Variants in PLEKHD1 observed in about 807,000 individuals in gnomAD.
PLEKHD1 encodes pleckstrin homology domain-containing family D member 1.
Under a neutral mutation model 69.2 loss-of-function variants are expected in PLEKHD1, and 51 were observed. The ratio of observed to expected loss-of-function variants is 0.74; its 90% CI spans 0.59 to 0.93. PLEKHD1 has a LOEUF of 0.93. Ranked by LOEUF, PLEKHD1 falls within the 40% of genes least tolerant of loss-of-function variation. The probability of loss-of-function intolerance (pLI) is 0.00; values close to 1 mark genes in which losing one functional copy is unlikely to be tolerated. For missense variants in PLEKHD1, 584 were observed against 641.0 expected (o/e 0.91, Z 0.96); for synonymous variants, 236 against 244.7 (o/e 0.96, Z 0.33).
intron 6 of PLEKHD1, among the ~76,000 whole-genome samples, chr14:69,513,932 A>G (rs915220662): frequency 5.3e-5 from 8 of 152,042 alleles, no homozygotes; most frequent in African/African-American, 1.9e-4. Flanking sequence ...TCTTGCTTTC[A>G]TGGTTTCTGA....
the PLEKHD1 span, among the ~76,000 whole-genome samples, chr14:69,475,208 G>T: frequency 6.6e-6 from 1 of 152,232 alleles, no homozygotes; most frequent in African/African-American, 2.4e-5. Flanking sequence ...GAGTGTGTGA[G>T]ATCATAGCAA....
intron 1 of PLEKHD1, 46 bp downstream of exon 1, chr14:69,485,160 T>G: frequency 6.5e-7 from 1 of 1,530,942 alleles, no homozygotes; most frequent in Non-Finnish European, 8.8e-7. Flanking sequence ...GGAGAGAGCC[T>G]GGGCGTCGTT....
rs565741482 is a variant in PLEKHD1 at position 69,521,896 on chromosome 14, A to G, written c.556-387A>G. Among the ~76,000 whole-genome samples the G allele has an allele frequency of 2.0e-5, 3 of 152,226 alleles. No homozygotes were observed. The East Asian group carries it at 5.8e-4, about 29-fold the overall frequency. ...ATCACTCCAGGGATCTCGAATGGAA[A>G]TACACACTCACCACTCTTTCCTCCA... On this transcript the variant is annotated intron_variant, in intron 6 of 12. Transcript: ENST00000322564.
rs1329903320 is a variant in PLEKHD1 at position 69,484,921 on chromosome 14, C to T, written c.-45C>T. On this transcript the variant is annotated 5_prime_UTR_variant, in exon 1 of 13. Transcript: ENST00000322564. ...CTCTCGCCCCGAGTCCCTGCTGACC[C>T]CGGGGAGGTGGGGTCCGGGCCGGGC... is the stretch of plus-strand genomic sequence containing the variant. The T allele has an allele frequency of 5.2e-6, 8 of 1,539,830 alleles. No homozygotes were observed. The highest frequency in any genetic ancestry group is 7.0e-6 in the Non-Finnish European group (8 of 1,139,598).
At chr14:69,481,191 C>G (rs567031842), upstream of PLEKHD1, among the ~76,000 whole-genome samples, 216 of 152,190 alleles carry the variant, frequency 1.4e-3, no homozygotes, top group African/African-American at 5.0e-3. Flanking sequence ...GATGTGGTGG[C>G]GTGCATCTGT....
chr14:69,521,807 A>G (rs1883520984), intron 6 of PLEKHD1, among the ~76,000 whole-genome samples: 1 of 152,098 alleles, frequency 6.6e-6, no homozygotes, highest in African/African-American at 2.4e-5. Context: ...CCTCAAGAAA[A>G]ATAGAGTCCT....
At chr14:69,527,466 TCTC>T in intron 11 of PLEKHD1, 134 bp downstream of exon 11, 1 of 1,313,760 alleles carries the variant, frequency 7.6e-7, no homozygotes, top group Non-Finnish European at 1.0e-6. Flanking sequence ...AAGGGTTTCT[TCTC>T]CAGTTACCTG....
At chr14:69,508,943 C>T (rs1883211169) in intron 6 of PLEKHD1, among the ~76,000 whole-genome samples, 1 of 152,236 alleles carries the variant, frequency 6.6e-6, no homozygotes, top group African/African-American at 2.4e-5. Flanking sequence ...AGTTTGCTCA[C>T]ATTCTACATT....
chr14:69,470,894 C>T, the PLEKHD1 span, among the ~76,000 whole-genome samples: 2 of 151,856 alleles, frequency 1.3e-5, no homozygotes, highest in South Asian at 4.2e-4. Context: ...CAGGTTCACG[C>T]CATTCTCCTG....
intron 6 of PLEKHD1, among the ~76,000 whole-genome samples, chr14:69,506,011 G>T (rs1883143946): frequency 6.6e-6 from 1 of 152,204 alleles, no homozygotes; most frequent in Non-Finnish European, 1.5e-5. Context: ...AATGCCCAGG[G>T]TAGGGCAGGG....
intron 7 of PLEKHD1, 85 bp downstream of exon 7, chr14:69,522,462 C>T: frequency 1.5e-6 from 2 of 1,373,754 alleles, no homozygotes; most frequent in Non-Finnish European, 2.0e-6. Context: ...AGGAGGCCTC[C>T]ACCTCAGAGA....
intron 6 of PLEKHD1, among the ~76,000 whole-genome samples, chr14:69,519,307 G>A (rs936315821): frequency 2.0e-5 from 3 of 152,054 alleles, no homozygotes; most frequent in Admixed American, 1.3e-4. Flanking sequence ...GCTGTCACGA[G>A]AGCCAGTCAA....
chr14:69,500,374 C>T (rs376548638), intron 2 of PLEKHD1, 166 bp downstream of exon 2: 1 of 703,392 alleles, frequency 1.4e-6, no homozygotes, highest in African/African-American at 1.8e-5. Context: ...CTGGGCTGGA[C>T]CCTCACTCTC....
At position 69,527,934 on chromosome 14, in the gene PLEKHD1, T is replaced by G. The variant is rs1052497682; in HGVS notation, c.1351+2T>G. The G allele has an allele frequency of 7.7e-6, 12 of 1,551,192 alleles. No homozygotes were observed. The Admixed American group carries it at 1.4e-4, about 18-fold the overall frequency. ...GGTCCAGCACCTCCTGGAATGACAGTGAGTGTGGCTGTCTGCGTGCCCTGG... is the reference window on the plus strand; with the variant it reads ...GGTCCAGCACCTCCTGGAATGACAGGGAGTGTGGCTGTCTGCGTGCCCTGG... On this transcript the variant is annotated splice_donor_variant, in intron 12 of 12. Transcript: ENST00000322564. LOFTEE classifies it high-confidence loss of function.
intron 2 of PLEKHD1, 27 bp from the exon 3 acceptor site, chr14:69,500,550 G>C (rs867060137): frequency 6.5e-7 from 1 of 1,531,956 alleles, no homozygotes; most frequent in African/African-American, 1.4e-5. Context: ...GGTGGGGTGG[G>C]GGCTGCCTGT....
rs1883029306 is a variant in PLEKHD1, at chr14:69,501,732, A to G, written c.411-2A>G. ...TCTGTCCCATCTGCCCTCCCTCCCC[A>G]GGACCTGGAAGAATGCCCAGCTGGG... On this transcript the variant is annotated splice_acceptor_variant, in intron 4 of 12. Transcript: ENST00000322564. LOFTEE classifies it high-confidence loss of function. 1.3e-6 allele frequency: 2 copies of G among 1,550,152 alleles called. No individual in the cohort carries two copies. The highest frequency in any genetic ancestry group is 1.7e-6 in the Non-Finnish European group (2 of 1,146,066).
intron 6 of PLEKHD1, among the ~76,000 whole-genome samples, chr14:69,503,996 T>C (rs1883096726): frequency 2.0e-5 from 3 of 152,282 alleles, no homozygotes; most frequent in African/African-American, 2.4e-5. Context: ...AGGCTGCCTG[T>C]ATTTGTATTT....
chr14:69,509,057 G>T (rs1266322455), intron 6 of PLEKHD1, among the ~76,000 whole-genome samples: 3 of 152,180 alleles, frequency 2.0e-5, no homozygotes, highest in African/African-American at 7.2e-5. Context: ...TGGAGATGGG[G>T]TCTTGCTCTG....
In PLEKHD1 at chr14:69,530,968, A is replaced by G; in HGVS notation, c.*2549A>G. On this transcript the variant is annotated 3_prime_UTR_variant, in exon 13 of 13. Transcript: ENST00000322564. Reference sequence around the variant, plus strand: ...GAAACCCCACCTGTACTAAAAATACAAAAATTAGCTGGGCGTGGTGGTGGG... The same window carrying G: ...GAAACCCCACCTGTACTAAAAATACGAAAATTAGCTGGGCGTGGTGGTGGG... 1 of 152,314 alleles carries G rather than the reference A, an allele frequency of 6.6e-6. No homozygotes were observed. The highest frequency in any genetic ancestry group is 1.5e-5 in the Non-Finnish European group (1 of 68,062). The allele number at this position is 152,314 out of a possible 1,614,324, so 9.4% of individuals were successfully genotyped here. A position where few individuals can be genotyped will look rare whatever the true frequency, so the allele number is the denominator to read the frequency against.
Sources: allele counts gnomAD v4.1 joint callset (sites outside exome capture counted in the v4.1 genomes callset), GRCh38; gene constraint gnomAD v4.1.1; transcripts MANE v1.5; gene names NCBI Gene and HGNC (gene_info 2026-07-23, HGNC 2026-07-21).